ZNF470: variants seen among roughly 807,000 people sequenced by gnomAD.
ZNF470 encodes the protein chondrogenesis zinc finger protein 1.
In ZNF470, 13 loss-of-function variants were observed where a neutral mutation model predicts 13.9. That is an observed-to-expected ratio of 0.94 (90% CI 0.61 to 1.49). The LOEUF (loss-of-function observed/expected upper bound fraction) is 1.49, where lower values mean the gene tolerates loss of function less well. ZNF470 is among the 40% of genes most tolerant of loss of function. The probability of loss-of-function intolerance (pLI) is 0.00; values close to 1 mark genes in which losing one functional copy is unlikely to be tolerated. For missense variants in ZNF470, 929 were observed against 857.3 expected (o/e 1.08, Z -1.04); for synonymous variants, 293 against 282.9 (o/e 1.04, Z -0.36).
chr19:56,576,980 A>G lies in ZNF470; in HGVS notation c.551A>G (p.Asn184Ser). The change falls in exon 6 of 6, where the codon AAT becomes AGT. Residue 184 changes from asparagine to serine, a missense_variant. Physicochemically the swap from Asn to Ser is conservative, Grantham distance 46. Coordinates refer to ENST00000330619, the MANE Select transcript of ZNF470 (RefSeq NM_001001668.4). ...SNKSGTVFHL[N>S]TLSYIKQIFP... ...AAATCTGGGACAGTTTTTCATCTGA[A>G]TACATTATCTTATATAAAACAGATT... is the stretch of plus-strand genomic sequence containing the variant. The G allele has an allele frequency of 1.3e-6, 2 of 1,591,002 alleles. No homozygotes were observed. The highest frequency in any genetic ancestry group is 1.7e-6 in the Non-Finnish European group (2 of 1,172,778).
intron 3 of ZNF470, among the ~76,000 whole-genome samples, chr19:56,573,255 T>C (rs1218649742): frequency 6.6e-6 from 1 of 152,196 alleles, no homozygotes; most frequent in Non-Finnish European, 1.5e-5. Flanking sequence ...CAACAATTCT[T>C]AAGCAATTAC....
At position 56,582,599 on chromosome 19, in the gene ZNF470, C is replaced by CG. The variant is rs1371464605; in HGVS notation, c.*4016_*4017insG. 1 of 983,870 alleles carries CG rather than the reference C, an allele frequency of 1.0e-6. No homozygotes were observed. Among genetic ancestry groups the CG allele is most frequent in the African/African-American group, 1.7e-5 (1 of 57,216 alleles). The allele number at this position is 983,870 out of a possible 1,614,324, so 60.9% of individuals were successfully genotyped here. A position where few individuals can be genotyped will look rare whatever the true frequency, so the allele number is the denominator to read the frequency against. ...ACCACCAAATTTACTTGTTGAAGTC[C>CG]TAAACCCCAACATGACTGTATTTGG... On this transcript the variant is annotated 3_prime_UTR_variant, in exon 6 of 6. Transcript: ENST00000330619.
At chr19:56,575,139 C>G (rs1430300474) in intron 5 of ZNF470, among the ~76,000 whole-genome samples, 1 of 151,846 alleles carries the variant, frequency 6.6e-6, no homozygotes, top group Admixed American at 6.6e-5. Context: ...CTGCCTTTTT[C>G]TTTTTTGTAT....
chr19:56,567,503 G>C lies in ZNF470; in HGVS notation c.-694G>C. On this transcript the variant is annotated 5_prime_UTR_variant, in exon 1 of 6. Transcript: ENST00000330619. ...AGGACCCAAAGCCGGGCGAGTGCAC[G>C]TCCCGCCGGTTGCTGAGGAGAAGGG... 2 of 986,004 alleles carry C rather than the reference G, an allele frequency of 2.0e-6. No individual in the cohort carries two copies. Among genetic ancestry groups the C allele is most frequent in the Non-Finnish European group, 1.2e-6 (1 of 830,396 alleles). The allele number at this position is 986,004 out of a possible 1,614,324, so 61.1% of individuals were successfully genotyped here.
chr19:56,575,864 A>G lies in ZNF470; in HGVS notation c.284-849A>G, dbSNP rs938189585. ...AAATAAGAAATAATGAAAATCAGTA[A>G]GCATCTGATTCACAATATTAGAAAA... On this transcript the variant is annotated intron_variant, in intron 5 of 5. Coordinates refer to ENST00000330619, the MANE Select transcript of ZNF470 (RefSeq NM_001001668.4). Among the ~76,000 whole-genome samples, 3 of 152,184 alleles carry G rather than the reference A, an allele frequency of 2.0e-5. No homozygotes were observed. In the South Asian group the frequency reaches 6.2e-4, roughly 32 times the overall value.
Position 56,567,502 on chromosome 19 carries a change from C to T in ZNF470, c.-695C>T, listed in dbSNP as rs1034933242. On this transcript the variant is annotated 5_prime_UTR_variant, in exon 1 of 6. The change creates a new upstream start codon in the 5' untranslated region. Coordinates refer to ENST00000330619, the MANE Select transcript of ZNF470 (RefSeq NM_001001668.4). ...AAGGACCCAAAGCCGGGCGAGTGCA[C>T]GTCCCGCCGGTTGCTGAGGAGAAGG... 9.1e-6 allele frequency: 9 copies of T among 986,010 alleles called. No individual in the cohort carries two copies. Among genetic ancestry groups the T allele is most frequent in the Non-Finnish European group, 1.1e-5 (9 of 830,372 alleles). The allele number at this position is 986,010 out of a possible 1,614,324, so 61.1% of individuals were successfully genotyped here.
At position 56,578,435 on chromosome 19, in the gene ZNF470, G is replaced by T. The variant is rs2044510023; in HGVS notation, c.2006G>T (p.Arg669Ile). The T allele has an allele frequency of 1.9e-6, 3 of 1,612,704 alleles. No individual in the cohort carries two copies. The highest frequency in any genetic ancestry group is 2.5e-6 in the Non-Finnish European group (3 of 1,179,242). The change falls in exon 6 of 6, where the codon AGA becomes ATA. Residue 669 changes from arginine to isoleucine, a missense_variant. Transcript: ENST00000330619. ...SQVAHLTLHK[R>I]IHTGERPYEC... ...GTTGCCCATCTTACTCTACATAAGAGAATTCATACTGGAGAAAGGCCCTAT... is the reference window on the plus strand; with the variant it reads ...GTTGCCCATCTTACTCTACATAAGATAATTCATACTGGAGAAAGGCCCTAT...
chr19:56,568,448 C>A (rs1036668218), intron 1 of ZNF470, among the ~76,000 whole-genome samples: 2 of 152,176 alleles, frequency 1.3e-5, no homozygotes, highest in Non-Finnish European at 2.9e-5. Context: ...CACAGCTTCA[C>A]CCAGAAATGC....
chr19:56,570,381 T>C lies in ZNF470; in HGVS notation c.60+10T>C, dbSNP rs1238335818. On this transcript the variant is annotated intron_variant, in intron 3 of 5. Transcript: ENST00000330619. ...TAAAGCCATGTCCCTGGTGAGTTAGTATTCCCCCTCTCCCCACTAAAATAG... is the reference window on the plus strand; with the variant it reads ...TAAAGCCATGTCCCTGGTGAGTTAGCATTCCCCCTCTCCCCACTAAAATAG... 2.5e-6 allele frequency: 4 copies of C among 1,613,352 alleles called. No individual in the cohort carries two copies. The highest frequency in any genetic ancestry group is 2.7e-5 in the African/African-American group (2 of 74,902).
chr19:56,570,084 G>A, intron 2 of ZNF470, 196 bp from the exon 3 acceptor site: 1 of 512,516 alleles, frequency 2.0e-6, no homozygotes, highest in Non-Finnish European at 3.5e-6. Context: ...GAGATATTAT[G>A]CTCATCCTGA....
Position 56,567,698 on chromosome 19 carries a change from A to G in ZNF470, c.-499A>G. ...TGAGGAGGGGCGAGCGCGCGCGGGG[A>G]TGGCGGCCCGGTGTGTGACTGTCCG... On this transcript the variant is annotated 5_prime_UTR_variant, in exon 1 of 6. It removes an upstream start codon present in the reference 5' UTR. Transcript: ENST00000330619. 1.0e-6 allele frequency: 1 copy of G among 987,786 alleles called. No individual in the cohort carries two copies. Among genetic ancestry groups the G allele is most frequent in the Non-Finnish European group, 1.2e-6 (1 of 831,922 alleles). The allele number at this position is 987,786 out of a possible 1,614,324, so 61.2% of individuals were successfully genotyped here. A position where few individuals can be genotyped will look rare whatever the true frequency, so the allele number is the denominator to read the frequency against.
Position 56,577,275 on chromosome 19 carries a change from AC to A in ZNF470, c.848del (p.Pro283LeufsTer73). 1 of 1,612,974 alleles carries A rather than the reference AC, an allele frequency of 6.2e-7. No homozygotes were observed. Among genetic ancestry groups the A allele is most frequent in the Non-Finnish European group, 8.5e-7 (1 of 1,179,462 alleles). Reference sequence around the variant, plus strand: ...ATCAGAGAATACACACAGGAGAAAAACCTTTTGAATGTACTGAATGTGGGAA... The same window carrying A: ...ATCAGAGAATACACACAGGAGAAAAACTTTTGAATGTACTGAATGTGGGAA... ...QHQRIHTGEK[P>X]FECTECGKAF... On this transcript the variant is annotated frameshift_variant, in exon 6 of 6. Transcript: ENST00000330619. LOFTEE classifies it low-confidence loss of function (END_TRUNC).
intron 3 of ZNF470, among the ~76,000 whole-genome samples, chr19:56,573,240 A>G (rs117125459): frequency 0.019 from 2,911 of 152,112 alleles, 44 homozygotes; most frequent in Non-Finnish European, 0.027. Flanking sequence ...CATCCTTATC[A>G]TAGGCAACAA....
At chr19:56,576,166 T>C (rs1334419704) in intron 5 of ZNF470, among the ~76,000 whole-genome samples, 1 of 151,940 alleles carries the variant, frequency 6.6e-6, no homozygotes, top group African/African-American at 2.4e-5. Flanking sequence ...TTTGAAAAAA[T>C]AGATGATATT....
In ZNF470 at chr19:56,578,860, T is replaced by C. The variant is rs1047986344; in HGVS notation, c.*277T>C. On this transcript the variant is annotated 3_prime_UTR_variant, in exon 6 of 6. Coordinates refer to ENST00000330619, the MANE Select transcript of ZNF470 (RefSeq NM_001001668.4). ...TTTAGCACACACTGGCATATAGTTA[T>C]TGCTAAATAAATGCTAGCCATTAAG... The C allele has an allele frequency of 8.0e-6, 9 of 1,131,052 alleles. No homozygotes were observed. The highest frequency in any genetic ancestry group is 4.4e-5 in the Admixed American group (1 of 22,592). The allele number at this position is 1,131,052 out of a possible 1,614,324, so 70.1% of individuals were successfully genotyped here.
Position 56,578,378 on chromosome 19 carries a change from AGT to A in ZNF470, c.1952_1953del (p.Cys651Ter). 6.2e-7 allele frequency: 1 copy of A among 1,610,950 alleles called. No homozygotes were observed. The highest frequency in any genetic ancestry group is 2.2e-5 in the East Asian group (1 of 44,852). ...ATTCATACAGGAGAGAAACCTTATGAGTGTAAGGAATGTAGCAAAGCCTTCAG... is the reference window on the plus strand; with the variant it reads ...ATTCATACAGGAGAGAAACCTTATGAGTAAGGAATGTAGCAAAGCCTTCAG... On this transcript the variant is annotated frameshift_variant, in exon 6 of 6. Coordinates refer to ENST00000330619, the MANE Select transcript of ZNF470 (RefSeq NM_001001668.4). LOFTEE classifies it low-confidence loss of function (END_TRUNC).
At position 56,578,163 on chromosome 19, in the gene ZNF470, A is replaced by G; in HGVS notation, c.1734A>G (p.Ser578=). The G allele has an allele frequency of 1.2e-6, 2 of 1,614,108 alleles. No individual in the cohort carries two copies. The highest frequency in any genetic ancestry group is 1.7e-6 in the Non-Finnish European group (2 of 1,179,992). ...GTGGGAAGGCCTTTAGTGATGGCTC[A>G]TATCTTGTTCAACATCAGAGACTCC... ...IECGKAFSDG[S]YLVQHQRLHS... The change falls in exon 6 of 6, where the codon TCA becomes TCG. Residue 578 remains serine, a synonymous_variant. Transcript: ENST00000330619.
Position 56,581,768 on chromosome 19 carries a change from T to C in ZNF470, c.*3185T>C. 2.0e-6 allele frequency: 2 copies of C among 985,452 alleles called. No homozygotes were observed. Among genetic ancestry groups the C allele is most frequent in the Non-Finnish European group, 2.4e-6 (2 of 829,942 alleles). 61.0% of individuals were successfully genotyped at this position (985,452 alleles called of 1,614,324 possible). A position where few individuals can be genotyped will look rare whatever the true frequency, so the allele number is the denominator to read the frequency against. On this transcript the variant is annotated 3_prime_UTR_variant, in exon 6 of 6. Transcript: ENST00000330619. ...GGCTGCACTATCTCATCTTTTCCTTTTGAGTAACTGGCCATACCCTACCAT... is the reference window on the plus strand; with the variant it reads ...GGCTGCACTATCTCATCTTTTCCTTCTGAGTAACTGGCCATACCCTACCAT...
intron 3 of ZNF470, among the ~76,000 whole-genome samples, chr19:56,572,993 C>T (rs927628185): frequency 6.6e-6 from 1 of 152,130 alleles, no homozygotes; most frequent in Non-Finnish European, 1.5e-5. Context: ...AGACTGTTCT[C>T]TTGAGTTTAT....
Sources: gnomAD v4.1 joint callset for allele counts (sites outside exome capture counted in the v4.1 genomes callset) on GRCh38, gnomAD v4.1.1 for gene constraint, MANE v1.5 for transcripts, NCBI Gene and HGNC (gene_info 2026-07-23, HGNC 2026-07-21) for gene names.